The following C3orf20 variants were observed in gnomAD, a reference collection of about 807,000 sequenced individuals.
The protein encoded by C3orf20 is uncharacterized protein C3orf20.
C3orf20 carries 76 observed loss-of-function variants against 88.3 expected under a neutral mutation model. That is an observed-to-expected ratio of 0.86 (90% CI 0.72 to 1.04). The LOEUF is 1.04. Ranked by LOEUF, C3orf20 falls within the 50% of genes least tolerant of loss-of-function variation. The probability of loss-of-function intolerance (pLI) is 0.00; values close to 1 mark genes in which losing one functional copy is unlikely to be tolerated. For missense variants in C3orf20, 1,056 were observed against 1,123.3 expected (o/e 0.94, Z 0.86); for synonymous variants, 436 against 437.4 (o/e 1.00, Z 0.04).
chr3:14,688,552 AAAAG>A (rs1470591511), intron 4 of C3orf20, among the ~76,000 whole-genome samples: 7 of 151,558 alleles, frequency 4.6e-5, no homozygotes, highest in Admixed American at 1.3e-4. Flanking sequence ...AAAAAGAAAA[AAAAG>A]AAAAGAAAAA....
chr3:14,677,630 A>C (rs1559388947), intron 1 of C3orf20, among the ~76,000 whole-genome samples: 1 of 151,920 alleles, frequency 6.6e-6, no homozygotes, highest in Non-Finnish European at 1.5e-5. Context: ...CCTCCTGAGT[A>C]GCTGGGATTA....
At chr3:14,743,592 C>A (rs2034978208) in intron 12 of C3orf20, among the ~76,000 whole-genome samples, 2 of 152,022 alleles carry the variant, frequency 1.3e-5, no homozygotes, top group Admixed American at 1.3e-4. Flanking sequence ...GGCTCTGACC[C>A]CACATTTCCC....
intron 12 of C3orf20, among the ~76,000 whole-genome samples, chr3:14,750,648 G>A (rs750338220): frequency 2.0e-5 from 3 of 151,736 alleles, no homozygotes; most frequent in African/African-American, 4.8e-5. Flanking sequence ...CCTTCTAGCA[G>A]CCAAAATTTC....
intron 9 of C3orf20, 36 bp from the exon 10 acceptor site, chr3:14,721,617 G>T: frequency 6.2e-7 from 1 of 1,609,756 alleles, no homozygotes; most frequent in South Asian, 1.1e-5. Context: ...GGCCGTTGAA[G>T]CAGGGATTCT....
At chr3:14,755,120 A>T (rs1322720151) in intron 12 of C3orf20, among the ~76,000 whole-genome samples, 1 of 151,704 alleles carries the variant, frequency 6.6e-6, no homozygotes, top group Non-Finnish European at 1.5e-5. Flanking sequence ...AACTTTTTCT[A>T]ATTGATTTGT....
intron 9 of C3orf20, among the ~76,000 whole-genome samples, chr3:14,721,170 T>A (rs1172328310): frequency 6.6e-6 from 1 of 152,222 alleles, no homozygotes; most frequent in African/African-American, 2.4e-5. Context: ...TTCTGGGTCC[T>A]CTTTGACCTC....
chr3:14,759,097 A>T (rs547542747), intron 13 of C3orf20, among the ~76,000 whole-genome samples: 1 of 152,362 alleles, frequency 6.6e-6, no homozygotes, highest in East Asian at 1.9e-4. Flanking sequence ...GGCCTGAGGC[A>T]GTTGAAGTTC....
At position 14,701,600 on chromosome 3, in the gene C3orf20, G is replaced by A. The variant is rs2033262769; in HGVS notation, c.746-1530G>A. On this transcript the variant is annotated intron_variant, in intron 5 of 16. Transcript: ENST00000253697. The surrounding 1 kb of genome is among the most constrained non-coding windows in gnomAD (Gnocchi z 4.6). Reference sequence around the variant, plus strand: ...AGATCGTTGTCATCCAGGTCATGCAGATCATTGTCATCCGGTCTGCAGAGA... The same window carrying A: ...AGATCGTTGTCATCCAGGTCATGCAAATCATTGTCATCCGGTCTGCAGAGA... Among the ~76,000 whole-genome samples, 1 of 152,200 alleles carries A rather than the reference G, an allele frequency of 6.6e-6. No individual in the cohort carries two copies. Among genetic ancestry groups the A allele is most frequent in the African/African-American group, 2.4e-5 (1 of 41,446 alleles).
intron 5 of C3orf20, among the ~76,000 whole-genome samples, chr3:14,693,011 T>G (rs2032808297): frequency 6.6e-6 from 1 of 152,234 alleles, no homozygotes; most frequent in Non-Finnish European, 1.5e-5. Flanking sequence ...TTGGCACCTT[T>G]GTCATAAATG....
At chr3:14,751,002 C>T (rs934611550) in intron 12 of C3orf20, among the ~76,000 whole-genome samples, 1 of 152,040 alleles carries the variant, frequency 6.6e-6, no homozygotes, top group Non-Finnish European at 1.5e-5. Flanking sequence ...TTTTTTCTTT[C>T]TACTCCTCAA....
At chr3:14,710,886 T>C (rs1184491818) in intron 7 of C3orf20, among the ~76,000 whole-genome samples, 1 of 118,264 alleles carries the variant, frequency 8.5e-6, no homozygotes, top group Non-Finnish European at 1.7e-5. Context: ...TCTATTTCTT[T>C]CTTTCTTTTT....
intron 5 of C3orf20, 128 bp downstream of exon 5, chr3:14,690,244 C>T (rs566232895): frequency 4.6e-6 from 6 of 1,304,228 alleles, no homozygotes; most frequent in Middle Eastern, 2.5e-4. Context: ...GGATACATAG[C>T]GGCTCTGCCT....
At chr3:14,716,462 C>G (rs1050435128) in intron 9 of C3orf20, among the ~76,000 whole-genome samples, 1 of 152,138 alleles carries the variant, frequency 6.6e-6, no homozygotes, top group African/African-American at 2.4e-5. Context: ...CCCTTAGTCT[C>G]CTGTTTCTTG....
intron 12 of C3orf20, among the ~76,000 whole-genome samples, chr3:14,751,175 A>G (rs1279594297): frequency 6.6e-6 from 1 of 152,202 alleles, no homozygotes; most frequent in Non-Finnish European, 1.5e-5. Context: ...ATTTTCTATT[A>G]GGTGAGATAT....
At chr3:14,676,849 A>G (rs373912460) in intron 1 of C3orf20, among the ~76,000 whole-genome samples, 10 of 152,180 alleles carry the variant, frequency 6.6e-5, no homozygotes, top group Non-Finnish European at 1.2e-4. Flanking sequence ...GTTAAGCTCA[A>G]TCTTATGTGC....
chr3:14,766,778 G>T (rs2035720328), intron 15 of C3orf20, among the ~76,000 whole-genome samples: 1 of 152,216 alleles, frequency 6.6e-6, no homozygotes, highest in South Asian at 2.1e-4. Flanking sequence ...CCAGCACCCA[G>T]GATGCAGAGA....
chr3:14,756,048 G>GAAAAAGA (rs1395000561), intron 12 of C3orf20, among the ~76,000 whole-genome samples: 1 of 128,552 alleles, frequency 7.8e-6, no homozygotes. Flanking sequence ...AAAAAAAAAA[G>GAAAAAGA]AAAAAGAAAA....
Position 14,761,667 on chromosome 3 carries a change from G to A in C3orf20, c.2495+52G>A, listed in dbSNP as rs762123002. The stretch of plus-strand genomic sequence containing the variant: ...GGATGGGCCTGGGGAGGTATGGAGG[G>A]CAGAAAGGAGACTTGGGCTGTGAAA... On this transcript the variant is annotated intron_variant, in intron 15 of 16. Coordinates refer to ENST00000253697, the MANE Select transcript of C3orf20 (RefSeq NM_032137.5). 31 of 1,580,750 alleles carry A rather than the reference G, an allele frequency of 2.0e-5. 1 individual carries two copies. Among genetic ancestry groups the A allele is most frequent in the Middle Eastern group, 3.6e-4 (2 of 5,512 alleles).
intron 10 of C3orf20, among the ~76,000 whole-genome samples, chr3:14,722,952 C>T (rs140274008): frequency 6.6e-6 from 1 of 152,336 alleles, no homozygotes; most frequent in East Asian, 1.9e-4. Flanking sequence ...AACCAAAGCT[C>T]AGGTGGGTAG....
Sources: allele counts gnomAD v4.1 joint callset (sites outside exome capture counted in the v4.1 genomes callset), GRCh38; gene constraint gnomAD v4.1.1; non-coding constraint Gnocchi (gnomAD v3.1); transcripts MANE v1.5; gene names NCBI Gene and HGNC (gene_info 2026-07-23, HGNC 2026-07-21).